The following MYO1D variants were observed in gnomAD, a reference collection of about 807,000 sequenced individuals.
The protein encoded by MYO1D is unconventional myosin-Id.
MYO1D carries 83 observed loss-of-function variants against 122.0 expected under a neutral mutation model. The observed-to-expected ratio is 0.68, with a 90% CI of 0.57 to 0.82. MYO1D has a LOEUF of 0.82. MYO1D is among the 40% of genes least tolerant of loss of function. The pLI is 0.00. For missense variants in MYO1D, 1,157 were observed against 1,269.5 expected (o/e 0.91, Z 1.35); for synonymous variants, 464 against 446.9 (o/e 1.04, Z -0.48).
chr17:32,714,863 A>G (rs1167807346), intron 15 of MYO1D, among the ~76,000 whole-genome samples: 1 of 152,212 alleles, frequency 6.6e-6, no homozygotes, highest in Non-Finnish European at 1.5e-5. Flanking sequence ...TTATCATCAG[A>G]GTGAACAGAC....
chr17:32,864,533 C>CT lies in MYO1D; in HGVS notation c.95+12244dup, dbSNP rs1332656674. Among the ~76,000 whole-genome samples the CT allele has an allele frequency of 3.5e-5, 4 of 112,808 alleles. No homozygotes were observed. The Admixed American group carries it at 5.1e-4, about 14-fold the overall frequency. 74.0% of individuals were successfully genotyped at this position (112,808 alleles called of 152,430 possible). The stretch of plus-strand genomic sequence containing the variant: ...TTGTACGGTGTCTAGCTTCACATGT[C>CT]TGAGTTCTACGAATGAAAAAAAAAA... On this transcript the variant is annotated intron_variant, in intron 1 of 21. Transcript: ENST00000318217.
chr17:32,508,931 G>T (rs1205967610), intron 21 of MYO1D, among the ~76,000 whole-genome samples: 1 of 152,218 alleles, frequency 6.6e-6, no homozygotes, highest in Non-Finnish European at 1.5e-5. Flanking sequence ...AGCTCCTCGT[G>T]CAGTGTCTGA....
intron 1 of MYO1D, among the ~76,000 whole-genome samples, chr17:32,837,615 G>T (rs1416575746): frequency 1.3e-5 from 2 of 152,104 alleles, no homozygotes; most frequent in Non-Finnish European, 2.9e-5. Flanking sequence ...ACTCACAGAA[G>T]TTGAATTACT....
chr17:32,787,203 GA>G (rs1376728933), intron 1 of MYO1D, among the ~76,000 whole-genome samples: 3 of 152,118 alleles, frequency 2.0e-5, no homozygotes, highest in Non-Finnish European at 4.4e-5. Flanking sequence ...GGACACTGCT[GA>G]AAATAGAAGG....
At chr17:32,841,991 C>T (rs993385613) in intron 1 of MYO1D, among the ~76,000 whole-genome samples, 3 of 152,126 alleles carry the variant, frequency 2.0e-5, no homozygotes, top group African/African-American at 4.8e-5. Flanking sequence ...ACAGAAGTAA[C>T]GTCCATAAAT....
chr17:32,873,808 G>A (rs775899338), intron 1 of MYO1D, among the ~76,000 whole-genome samples: 2 of 152,184 alleles, frequency 1.3e-5, no homozygotes, highest in African/African-American at 2.4e-5. Flanking sequence ...ACACAGATGA[G>A]ATACATACAA....
At chr17:32,502,379 C>T (rs796896549) in intron 21 of MYO1D, among the ~76,000 whole-genome samples, 2 of 152,220 alleles carry the variant, frequency 1.3e-5, no homozygotes, top group African/African-American at 4.8e-5. Context: ...AGGCAGAAAC[C>T]AGTTAGTGGC....
intron 21 of MYO1D, among the ~76,000 whole-genome samples, chr17:32,589,084 A>G (rs1036243316): frequency 2.6e-5 from 4 of 152,230 alleles, no homozygotes; most frequent in African/African-American, 9.6e-5. Context: ...ACAGTGTCAT[A>G]TTTGTGAACT....
At chr17:32,772,408 C>T (rs1009680020) in intron 5 of MYO1D, among the ~76,000 whole-genome samples, 1 of 152,062 alleles carries the variant, frequency 6.6e-6, no homozygotes, top group African/African-American at 2.4e-5. Flanking sequence ...ATTCTGATCT[C>T]TAGAACTCCC....
intron 1 of MYO1D, among the ~76,000 whole-genome samples, chr17:32,788,826 A>G (rs2090324030): frequency 6.6e-6 from 1 of 152,146 alleles, no homozygotes; most frequent in Admixed American, 6.5e-5. Context: ...CATTAAATCT[A>G]TAGATTGCTT....
chr17:32,533,621 C>T (rs746923517), intron 21 of MYO1D, among the ~76,000 whole-genome samples: 3 of 152,168 alleles, frequency 2.0e-5, no homozygotes, highest in Non-Finnish European at 4.4e-5. Flanking sequence ...CCAAGCTCCT[C>T]TGGGTGTCTC....
chr17:32,504,597 C>T (rs1909431759), intron 21 of MYO1D: 1 of 152,238 alleles, frequency 6.6e-6, no homozygotes. Flanking sequence ...TTTGGCTTTG[C>T]TTTCTCACTC....
At chr17:32,809,724 C>T (rs1251113615) in intron 1 of MYO1D, among the ~76,000 whole-genome samples, 3 of 152,162 alleles carry the variant, frequency 2.0e-5, no homozygotes, top group Non-Finnish European at 4.4e-5. Context: ...TAGGTGTAAG[C>T]CACTGTGCCC....
At chr17:32,771,561 A>T (rs915200707) in intron 5 of MYO1D, among the ~76,000 whole-genome samples, 1 of 152,194 alleles carries the variant, frequency 6.6e-6, no homozygotes, top group African/African-American at 2.4e-5. Context: ...CAGCCTCACT[A>T]TAGACAGGAT....
chr17:32,778,422 A>ACTCT lies in MYO1D; in HGVS notation c.398+57_398+58insAGAG, dbSNP rs760142021. 257 of 1,535,334 alleles carry ACTCT rather than the reference A, an allele frequency of 1.7e-4. 1 individual carries two copies. In the Admixed American group the frequency reaches 2.2e-3, roughly 13 times the overall value. ...CAACCCCTAGAGTTTAGGTCTAGCC[A>ACTCT]AGTCCATAGAGAAAACAGAGTGCTA... On this transcript the variant is annotated intron_variant, in intron 3 of 21. Transcript: ENST00000318217.
chr17:32,599,614 C>T (rs1329539768), intron 21 of MYO1D, among the ~76,000 whole-genome samples: 1 of 152,164 alleles, frequency 6.6e-6, no homozygotes, highest in Non-Finnish European at 1.5e-5. Context: ...TCAGAGGAAT[C>T]ACTATTTATG....
intron 1 of MYO1D, among the ~76,000 whole-genome samples, chr17:32,844,899 A>G (rs533762720): frequency 5.2e-4 from 79 of 152,222 alleles, no homozygotes; most frequent in African/African-American, 1.9e-3. Context: ...ACTTTGTATT[A>G]TATTCATAAT....
At chr17:32,839,733 T>C (rs2090860718) in intron 1 of MYO1D, among the ~76,000 whole-genome samples, 1 of 152,178 alleles carries the variant, frequency 6.6e-6, no homozygotes, top group Non-Finnish European at 1.5e-5. Context: ...ATACTGCTCA[T>C]ATTTTTAGGC....
chr17:32,826,109 G>A (rs959107551), intron 1 of MYO1D, among the ~76,000 whole-genome samples: 26 of 151,456 alleles, frequency 1.7e-4, no homozygotes, highest in African/African-American at 6.3e-4. Context: ...CTATTCTAGG[G>A]AGAATACACT....
Sources: gnomAD v4.1 joint callset for allele counts (sites outside exome capture counted in the v4.1 genomes callset) on GRCh38, gnomAD v4.1.1 for gene constraint, MANE v1.5 for transcripts, NCBI Gene and HGNC (gene_info 2026-07-23, HGNC 2026-07-21) for gene names.